The following FREM2 variants were observed in gnomAD, a reference collection of about 807,000 sequenced individuals.
FREM2 encodes the protein FRAS1-related extracellular matrix protein 2.
A neutral mutation model predicts 219.9 loss-of-function variants in FREM2; 119 were observed. The ratio of observed to expected loss-of-function variants is 0.54; its 90% confidence interval spans 0.47 to 0.63. The LOEUF (loss-of-function observed/expected upper bound fraction) is 0.63, where lower values mean the gene tolerates loss of function less well. FREM2 is among the 30% of genes least tolerant of loss of function. The pLI is 0.00. For missense variants in FREM2, 4,030 were observed against 3,993.6 expected (o/e 1.01, Z -0.25); for synonymous variants, 1,562 against 1,522.8 (o/e 1.03, Z -0.60).
At chr13:38,807,220 T>TCA (rs1255882772) in intron 6 of FREM2, among the ~76,000 whole-genome samples, 5 of 126,012 alleles carry the variant, frequency 4.0e-5, no homozygotes, top group African/African-American at 1.4e-4. Context: ...TATATATATA[T>TCA]ATATATATGT....
chr13:38,703,931 A>G (rs914600631), intron 2 of FREM2, among the ~76,000 whole-genome samples: 1 of 152,212 alleles, frequency 6.6e-6, no homozygotes, highest in Non-Finnish European at 1.5e-5. Context: ...TTAAAGTACC[A>G]TAATCTCAAA....
At chr13:38,783,487 AAAAAAAAG>A (rs1874205435) in intron 5 of FREM2, among the ~76,000 whole-genome samples, 1 of 151,672 alleles carries the variant, frequency 6.6e-6, no homozygotes, top group South Asian at 2.1e-4. Context: ...AAAAAAAAAA[AAAAAAAAG>A]AGGCAAAGTG....
At chr13:38,849,284 G>A (rs1172262774) in intron 8 of FREM2, among the ~76,000 whole-genome samples, 1 of 152,138 alleles carries the variant, frequency 6.6e-6, no homozygotes, top group Non-Finnish European at 1.5e-5. Context: ...AAAATGTGAT[G>A]TCATCAGTAT....
At chr13:38,692,635 A>G in intron 1 of FREM2, 118 bp downstream of exon 1, 1 of 1,219,376 alleles carries the variant, frequency 8.2e-7, no homozygotes, top group Non-Finnish European at 1.2e-6. Context: ...AACAAAGGGG[A>G]TGGGGAGAAT....
intron 2 of FREM2, among the ~76,000 whole-genome samples, chr13:38,751,688 C>T (rs1039774231): frequency 6.6e-6 from 1 of 152,134 alleles, no homozygotes; most frequent in African/African-American, 2.4e-5. Flanking sequence ...TTACTAGAGT[C>T]TACATTTCAC....
chr13:38,791,303 C>G (rs951149441), intron 6 of FREM2, among the ~76,000 whole-genome samples: 1 of 152,144 alleles, frequency 6.6e-6, no homozygotes, highest in Non-Finnish European at 1.5e-5. Flanking sequence ...CATCAAGGAA[C>G]TCAGTTTCCA....
intron 6 of FREM2, among the ~76,000 whole-genome samples, chr13:38,812,373 T>C (rs1463985338): frequency 6.6e-6 from 1 of 152,156 alleles, no homozygotes; most frequent in African/African-American, 2.4e-5. Flanking sequence ...TCGGGTCTTT[T>C]CTTCTTTTCT....
chr13:38,710,194 A>T (rs1403195418), intron 2 of FREM2, among the ~76,000 whole-genome samples: 2 of 152,218 alleles, frequency 1.3e-5, no homozygotes, highest in East Asian at 3.9e-4. Flanking sequence ...TCACGAAACA[A>T]CAACAACAAA....
intron 2 of FREM2, among the ~76,000 whole-genome samples, chr13:38,707,984 G>A (rs1319284918): frequency 6.6e-6 from 1 of 152,120 alleles, no homozygotes; most frequent in Non-Finnish European, 1.5e-5. Context: ...GCTTTCCCTG[G>A]TTCCTGAATT....
At chr13:38,855,254 T>A (rs1300714959) in intron 11 of FREM2, among the ~76,000 whole-genome samples, 2 of 152,170 alleles carry the variant, frequency 1.3e-5, no homozygotes, top group Admixed American at 1.3e-4. Flanking sequence ...ATAACTTGTC[T>A]AAGTTTCCCT....
Position 38,883,686 on chromosome 13 carries a change from G to T in FREM2, c.*2899G>T, listed in dbSNP as rs1878628503. On this transcript the variant is annotated 3_prime_UTR_variant, in exon 24 of 24. Transcript: ENST00000280481. ...AGCTCCACTTGCTGTCCTTGGGAAG[G>T]TTATAACTGAATGCAGCTCTTTATT... 6.6e-6 allele frequency: 1 copy of T among 152,162 alleles called. No homozygotes were observed. The allele number at this position is 152,162 out of a possible 1,614,324, so 9.4% of individuals were successfully genotyped here.
chr13:38,783,412 T>G (rs1344476877), intron 5 of FREM2, among the ~76,000 whole-genome samples: 1 of 151,128 alleles, frequency 6.6e-6, no homozygotes, highest in Non-Finnish European at 1.5e-5. Flanking sequence ...ACTCAAGGCT[T>G]TTTGGATTGT....
Position 38,864,463 on chromosome 13 carries a change from T to A in FREM2, c.7840T>A (p.Tyr2614Asn). The A allele has an allele frequency of 1.2e-6, 2 of 1,614,200 alleles. No individual in the cohort carries two copies. Among genetic ancestry groups the A allele is most frequent in the Non-Finnish European group, 1.7e-6 (2 of 1,180,024 alleles). Residue 2614 changes from tyrosine to asparagine, a missense_variant, in exon 16 of 24, where the codon TAC becomes AAC. By Grantham distance (143) the Tyr-to-Asn change is moderately radical. Transcript: ENST00000280481. Reference protein sequence around the residue: ...EIIGETYPYQYSLSIRGSTTL... With the variant: ...EIIGETYPYQNSLSIRGSTTL... ...AATTGGAGAGACATATCCTTACCAGTACAGCTTGTCCATCAGAGGTTCCAC... is the reference window on the plus strand; with the variant it reads ...AATTGGAGAGACATATCCTTACCAGAACAGCTTGTCCATCAGAGGTTCCAC...
chr13:38,848,829 A>G (rs1408523281), intron 8 of FREM2, among the ~76,000 whole-genome samples, 159 bp downstream of exon 8: 1 of 152,138 alleles, frequency 6.6e-6, no homozygotes, highest in Non-Finnish European at 1.5e-5. Flanking sequence ...ACAGAAATTT[A>G]TTATCTCATA....
intron 2 of FREM2, among the ~76,000 whole-genome samples, chr13:38,712,971 C>T (rs1870841677): frequency 6.6e-6 from 1 of 152,070 alleles, no homozygotes; most frequent in Non-Finnish European, 1.5e-5. Flanking sequence ...TTTGCTCAAC[C>T]ATCTAAACAT....
At chr13:38,712,756 C>T (rs1870833317) in intron 2 of FREM2, among the ~76,000 whole-genome samples, 1 of 151,952 alleles carries the variant, frequency 6.6e-6, no homozygotes, top group African/African-American at 2.4e-5. Context: ...CAGTTTCATA[C>T]TTTAGTAAGT....
At chr13:38,760,614 A>T (rs1342725320) in intron 2 of FREM2, among the ~76,000 whole-genome samples, 1 of 151,502 alleles carries the variant, frequency 6.6e-6, no homozygotes, top group Non-Finnish European at 1.5e-5. Flanking sequence ...GTGTCATTAA[A>T]CCAATTACTG....
chr13:38,830,981 A>G, intron 6 of FREM2, among the ~76,000 whole-genome samples: 1 of 152,110 alleles, frequency 6.6e-6, no homozygotes, highest in Non-Finnish European at 1.5e-5. Flanking sequence ...TTGATTTAAG[A>G]TGAGGCCCCA....
At position 38,880,396 on chromosome 13, in the gene FREM2, A is replaced by G; in HGVS notation, c.9119A>G (p.Gln3040Arg). Reference protein sequence around the residue: ...RSVEYHSLVSQGKPQSTTKSR... With the variant: ...RSVEYHSLVSRGKPQSTTKSR... ...GTGGAGTACCATTCTCTGGTGAGTC[A>G]AGGAAAGCCCCAATCCACCACCAAG... is the stretch of plus-strand genomic sequence containing the variant. The change falls in exon 24 of 24, where the codon CAA becomes CGA. Residue 3040 changes from glutamine to arginine, a missense_variant. By Grantham distance (43) the Gln-to-Arg change is conservative. Coordinates refer to ENST00000280481, the MANE Select transcript of FREM2 (RefSeq NM_207361.6). The G allele has an allele frequency of 1.2e-6, 2 of 1,614,172 alleles. No individual in the cohort carries two copies. The highest frequency in any genetic ancestry group is 1.7e-6 in the Non-Finnish European group (2 of 1,180,044).
Sources: gnomAD v4.1 joint callset for allele counts (sites outside exome capture counted in the v4.1 genomes callset) on GRCh38, gnomAD v4.1.1 for gene constraint, MANE v1.5 for transcripts, NCBI Gene and HGNC (gene_info 2026-07-23, HGNC 2026-07-21) for gene names.